The following SLC30A7 variants were observed in gnomAD, a reference collection of about 807,000 sequenced individuals.
SLC30A7 encodes the protein zinc transporter 7.
In SLC30A7, 35 loss-of-function variants were observed where a neutral mutation model predicts 46.0. The ratio of observed to expected loss-of-function variants is 0.76; its 90% CI spans 0.58 to 1.01. SLC30A7 has a LOEUF of 1.01. SLC30A7 is among the 50% of genes least tolerant of loss of function. The probability of loss-of-function intolerance (pLI) is 0.00; values close to 1 mark genes in which losing one functional copy is unlikely to be tolerated. For synonymous variants in SLC30A7, 147 were observed against 157.8 expected, an observed-to-expected ratio of 0.93 and a Z score of 0.51; for missense variants, 464 against 451.1, an observed-to-expected ratio of 1.03 and a Z score of -0.26.
At chr1:100,917,995 A>G in intron 6 of SLC30A7, 82 bp from the exon 7 acceptor site, 2 of 1,116,260 alleles carry the variant, frequency 1.8e-6, no homozygotes, top group Non-Finnish European at 2.7e-6. Flanking sequence ...TTGATGATGC[A>G]TTTGAATGAA....
intron 8 of SLC30A7, among the ~76,000 whole-genome samples, chr1:100,928,965 G>A (rs1347368303): frequency 6.6e-6 from 1 of 152,086 alleles, no homozygotes; most frequent in African/African-American, 2.4e-5. Flanking sequence ...TGTCAGCAAA[G>A]GCTTAGATTC....
intron 5 of SLC30A7, among the ~76,000 whole-genome samples, chr1:100,912,448 A>C (rs905589017): frequency 6.6e-6 from 1 of 152,202 alleles, no homozygotes; most frequent in Admixed American, 6.5e-5. Context: ...ACCAGACCTC[A>C]GTAGCTTATC....
chr1:100,938,957 C>T (rs1167336961), intron 8 of SLC30A7, among the ~76,000 whole-genome samples: 5 of 152,176 alleles, frequency 3.3e-5, no homozygotes, highest in African/African-American at 9.7e-5. Flanking sequence ...TTCAGCCCAT[C>T]CCCCACTCCC....
chr1:100,930,472 A>C (rs1653598882), intron 8 of SLC30A7, among the ~76,000 whole-genome samples: 1 of 152,062 alleles, frequency 6.6e-6, no homozygotes. Context: ...ATTGTTCATG[A>C]ATATAGGATT....
At chr1:100,941,128 C>T (rs1333660738) in intron 8 of SLC30A7, 1 of 332,610 alleles carries the variant, frequency 3.0e-6, no homozygotes, top group Non-Finnish European at 5.8e-6. Flanking sequence ...AGATCTTCTG[C>T]CACCAAAGTT....
Position 100,913,768 on chromosome 1 carries a change from A to G in SLC30A7, c.617A>G (p.His206Arg), listed in dbSNP as rs551030162. 3 of 1,613,980 alleles carry G rather than the reference A, an allele frequency of 1.9e-6. No individual in the cohort carries two copies. The highest frequency in any genetic ancestry group is 1.3e-5 in the African/African-American group (1 of 75,046). Residue 206 changes from histidine (H) to arginine (R), a missense_variant, in exon 6 of 11, where the codon CAT becomes CGT. Coordinates refer to ENST00000357650, the MANE Select transcript of SLC30A7 (RefSeq NM_133496.5). ...HEVKHGAAHS[H>R]DHAHGHGHFH... ...GTGAAACATGGTGCTGCACATAGCCATGATCATGCTCATGGACATGGACAC... is the reference window on the plus strand; with the variant it reads ...GTGAAACATGGTGCTGCACATAGCCGTGATCATGCTCATGGACATGGACAC...
chr1:100,974,932 G>A lies in SLC30A7; in HGVS notation c.*75G>A, dbSNP rs7512997. ...TGTACGATCCAAAACATTGTACCCA[G>A]CTTTTTAAAAGAGAGAAATTATCAC... On this transcript the variant is annotated 3_prime_UTR_variant, in exon 11 of 11. Coordinates refer to ENST00000357650, the MANE Select transcript of SLC30A7 (RefSeq NM_133496.5). 5.6e-3 allele frequency: 7,027 copies of A among 1,260,840 alleles called. 224 individuals are homozygous for A. The African/African-American group carries it at 0.078, about 14-fold the overall frequency. The allele number at this position is 1,260,840 out of a possible 1,614,324, so 78.1% of individuals were successfully genotyped here.
At chr1:100,952,153 T>C (rs1654989529) in intron 8 of SLC30A7, among the ~76,000 whole-genome samples, 3 of 152,240 alleles carry the variant, frequency 2.0e-5, no homozygotes, top group Admixed American at 6.5e-5. Context: ...TATTTTGGAC[T>C]TCTGACCTCC....
chr1:100,900,191 G>T (rs1331856506), intron 2 of SLC30A7, among the ~76,000 whole-genome samples: 1 of 152,108 alleles, frequency 6.6e-6, no homozygotes, highest in African/African-American at 2.4e-5. Flanking sequence ...GTGTTTTTAT[G>T]TTCTTACATT....
Position 100,978,267 on chromosome 1 carries a change from T to C in SLC30A7, c.*3410T>C, listed in dbSNP as rs1179377590. 1 of 152,210 alleles carries C rather than the reference T, an allele frequency of 6.6e-6. No homozygotes were observed. The highest frequency in any genetic ancestry group is 1.5e-5 in the Non-Finnish European group (1 of 68,036). 9.4% of individuals were successfully genotyped at this position (152,210 alleles called of 1,614,324 possible). A position where few individuals can be genotyped will look rare whatever the true frequency, so the allele number is the denominator to read the frequency against. On this transcript the variant is annotated 3_prime_UTR_variant, in exon 11 of 11. Transcript: ENST00000357650. ...TACACGTGTATATCAGTAACCAAAA[T>C]GCTATGCCTTTTTTGCACCTTTGTA...
intron 8 of SLC30A7, among the ~76,000 whole-genome samples, chr1:100,946,384 TC>T (rs1252168038): frequency 1.3e-5 from 2 of 152,236 alleles, no homozygotes; most frequent in African/African-American, 4.8e-5. Context: ...AGGAAATGCT[TC>T]CAGTTTTTGC....
intron 9 of SLC30A7, among the ~76,000 whole-genome samples, chr1:100,963,284 A>AGT (rs1344463081): frequency 1.3e-5 from 2 of 152,168 alleles, no homozygotes; most frequent in Non-Finnish European, 2.9e-5. Context: ...CAGGAAAGGT[A>AGT]GTGGTTAGTG....
chr1:100,970,556 A>G (rs1204737693), intron 10 of SLC30A7, among the ~76,000 whole-genome samples: 1 of 151,978 alleles, frequency 6.6e-6, no homozygotes, highest in African/African-American at 2.4e-5. Flanking sequence ...TTAAAGTACC[A>G]GGTTTTCTGT....
intron 8 of SLC30A7, among the ~76,000 whole-genome samples, chr1:100,946,913 T>C (rs541496630): frequency 2.0e-5 from 3 of 152,276 alleles, no homozygotes; most frequent in South Asian, 2.1e-4. Flanking sequence ...ATCTGTCTGG[T>C]CCTGGACTTT....
chr1:100,967,886 CT>C (rs1227702969), intron 10 of SLC30A7, among the ~76,000 whole-genome samples: 1 of 152,086 alleles, frequency 6.6e-6, no homozygotes, highest in Non-Finnish European at 1.5e-5. Flanking sequence ...TGATTATGGA[CT>C]GTAGTAGTTC....
intron 8 of SLC30A7, among the ~76,000 whole-genome samples, chr1:100,935,582 G>A (rs1207354517): frequency 6.6e-6 from 1 of 152,168 alleles, no homozygotes; most frequent in African/African-American, 2.4e-5. Flanking sequence ...AACTATCATA[G>A]TGAGTGACAA....
At chr1:100,915,252 T>TCTTTCTTCCTTC (rs1486603338) in intron 6 of SLC30A7, among the ~76,000 whole-genome samples, 3 of 141,092 alleles carry the variant, frequency 2.1e-5, no homozygotes, top group African/African-American at 5.3e-5. Context: ...TTTCTTTCTT[T>TCTTTCTTCCTTC]CTTCCTTTCT....
chr1:100,918,945 C>T (rs1652766776), intron 7 of SLC30A7, among the ~76,000 whole-genome samples: 1 of 152,200 alleles, frequency 6.6e-6, no homozygotes, highest in Non-Finnish European at 1.5e-5. Flanking sequence ...ATACTGCTTT[C>T]ACACCATCAT....
chr1:100,946,687 CA>C (rs1557998605), intron 8 of SLC30A7, among the ~76,000 whole-genome samples: 2 of 152,238 alleles, frequency 1.3e-5, no homozygotes, highest in East Asian at 3.9e-4. Context: ...TTTGGTTTGC[CA>C]GTATTTTATT....
Sources: gnomAD v4.1 joint callset for allele counts (sites outside exome capture counted in the v4.1 genomes callset) on GRCh38, gnomAD v4.1.1 for gene constraint, MANE v1.5 for transcripts, NCBI Gene and HGNC (gene_info 2026-07-23, HGNC 2026-07-21) for gene names.